COL1A1: variants seen among roughly 807,000 people sequenced by gnomAD.
COL1A1 encodes the protein collagen type I alpha 1 chain, also known as collagen alpha-1(I) chain.
Under a neutral mutation model 195.7 loss-of-function variants are expected in COL1A1, and 21 were observed. That is an observed-to-expected ratio of 0.11 (90% CI 0.08 to 0.15). COL1A1 has a LOEUF of 0.15. Among genes scored for constraint, COL1A1 ranks in the 10% least tolerant of loss-of-function variants. COL1A1 has a pLI of 1.00. For missense variants in COL1A1, 1,365 were observed against 2,051.0 expected (o/e 0.67, Z 6.46); for synonymous variants, 749 against 747.3 (o/e 1.00, Z -0.04).
intron 45 of COL1A1, 111 bp downstream of exon 45, chr17:50,187,765 C>A: frequency 8.9e-7 from 1 of 1,123,108 alleles, no homozygotes. Context: ...AGACCCCAGT[C>A]CCCACTAGGG....
In COL1A1 at chr17:50,194,492, G is replaced by A. The variant is rs992864344; in HGVS notation, c.1516-45C>T. 3.7e-6 allele frequency: 6 copies of A among 1,613,118 alleles called. No homozygotes were observed. The African/African-American group carries it at 8.0e-5, about 22-fold the overall frequency. On this transcript the variant is annotated intron_variant, in intron 22 of 50. Transcript: ENST00000225964. This position sits in a 1 kb window ranked among gnomAD's most constrained non-coding sequence, Gnocchi z 6.8. ...GGAACAGTTAGGGTCTCAAGTTTGT[G>A]GCTCTTTGCCACGGGCCAAAAGAGG...
chr17:50,194,378 G>T lies in COL1A1; in HGVS notation c.1585C>A (p.Pro529Thr). Residue 529 changes from proline to threonine, a missense_variant, in exon 23 of 51, where the codon CCC becomes ACC. This residue lies in a region of COL1A1 where 671 missense variants were observed against 1,099.9 expected (regional missense o/e 0.61). Coordinates refer to ENST00000225964, the MANE Select transcript of COL1A1 (RefSeq NM_000088.4). This position sits in a 1 kb window ranked among gnomAD's most constrained non-coding sequence, Gnocchi z 6.8. ...PKGSPGEAGR[P>T]GEAGLPGAKG... ...GCACCAGGCAGACCAGCTTCACCGG[G>T]ACGACCAGCTTCACCAGGAGATCCT... 6.2e-7 allele frequency: 1 copy of T among 1,614,152 alleles called. No individual in the cohort carries two copies. The highest frequency in any genetic ancestry group is 1.1e-5 in the South Asian group (1 of 91,086).
chr17:50,196,230 C>T, intron 14 of COL1A1, 31 bp from the exon 15 acceptor site: 1 of 1,613,800 alleles, frequency 6.2e-7, no homozygotes, highest in South Asian at 1.1e-5. Context: ...CCCGTTAAGT[C>T]CACTGAGCAC....
intron 31 of COL1A1, 65 bp from the exon 32 acceptor site, chr17:50,191,555 C>T (rs1489742664): frequency 2.1e-6 from 3 of 1,453,584 alleles, no homozygotes; most frequent in Non-Finnish European, 2.9e-6. Context: ...CAGCCCTAAG[C>T]CCCGCTTGGT....
intron 31 of COL1A1, 130 bp downstream of exon 31, chr17:50,191,658 C>T: frequency 1.7e-6 from 2 of 1,166,294 alleles, no homozygotes; most frequent in Non-Finnish European, 2.5e-6. Flanking sequence ...TGGGCCCCTG[C>T]CCTGGTCTTT....
In COL1A1 at chr17:50,193,000, G is replaced by A. The variant is rs370384784; in HGVS notation, c.1815C>T (p.Gly605=). 2.4e-5 allele frequency: 38 copies of A among 1,614,004 alleles called. No homozygotes were observed. Among genetic ancestry groups the A allele is most frequent in the African/African-American group, 1.3e-4 (10 of 74,926 alleles). ...AGERGVPGPP[G]AVGPAGKDGE... ...ATGGAAAGGAGATACTTACGACAGC[G>A]CCAGGGGGTCCGGGAACACCTCGCT... Residue 605 remains glycine (G), a synonymous_variant, in exon 26 of 51, where the codon GGC becomes GGT. Coordinates refer to ENST00000225964, the MANE Select transcript of COL1A1 (RefSeq NM_000088.4).
chr17:50,190,953 C>T lies in COL1A1; in HGVS notation c.2236-29G>A, dbSNP rs1454496640. The T allele has an allele frequency of 1.2e-6, 2 of 1,603,178 alleles. No individual in the cohort carries two copies. Among genetic ancestry groups the T allele is most frequent in the Non-Finnish European group, 1.7e-6 (2 of 1,170,466 alleles). On this transcript the variant is annotated intron_variant, in intron 32 of 50. Coordinates refer to ENST00000225964, the MANE Select transcript of COL1A1 (RefSeq NM_000088.4). The surrounding 1 kb of genome is among the most constrained non-coding windows in gnomAD (Gnocchi z 4.7). ...AAGACATGGATAAGCTTGAGATTTC[C>T]AGTGTGGGGCAAGGAGGTGACCTAT...
chr17:50,192,633 G>A lies in COL1A1; in HGVS notation c.1929+7C>T, dbSNP rs748740828. On this transcript the variant is annotated splice_region_variant and intron_variant, in intron 28 of 50. Coordinates refer to ENST00000225964, the MANE Select transcript of COL1A1 (RefSeq NM_000088.4). ...CTCCCAGCATCCTGACAGCCATGAG[G>A]CCTCACCTGGAATCCGGGGGAGCCA... The A allele has an allele frequency of 1.9e-6, 3 of 1,614,096 alleles. No homozygotes were observed. Among genetic ancestry groups the A allele is most frequent in the Non-Finnish European group, 2.5e-6 (3 of 1,180,044 alleles).
At position 50,194,859 on chromosome 17, in the gene COL1A1, G is replaced by A; in HGVS notation, c.1354-31C>T. On this transcript the variant is annotated intron_variant, in intron 20 of 50. Transcript: ENST00000225964. The surrounding 1 kb of genome is among the most constrained non-coding windows in gnomAD (Gnocchi z 6.8). ...GAGGGCCGAGAGGAGGAGGCGGCCT[G>A]TGGTGAGGGGCCATCCTGTGCCAGC... 6.4e-7 allele frequency: 1 copy of A among 1,565,892 alleles called. No homozygotes were observed. Among genetic ancestry groups the A allele is most frequent in the South Asian group, 1.1e-5 (1 of 87,962 alleles).
In COL1A1 at chr17:50,190,226, C is replaced by T; in HGVS notation, c.2451+101G>A. ...GGGTGGGAAACAATCCCGTCTCCAC[C>T]CTTCTCCCCTGAGGATGGCTGACGC... On this transcript the variant is annotated intron_variant, in intron 35 of 50. Coordinates refer to ENST00000225964, the MANE Select transcript of COL1A1 (RefSeq NM_000088.4). This position sits in a 1 kb window ranked among gnomAD's most constrained non-coding sequence, Gnocchi z 4.7. 1 of 1,244,866 alleles carries T rather than the reference C, an allele frequency of 8.0e-7. No individual in the cohort carries two copies. The highest frequency in any genetic ancestry group is 1.2e-6 in the Non-Finnish European group (1 of 844,156). The allele number at this position is 1,244,866 out of a possible 1,614,324, so 77.1% of individuals were successfully genotyped here.
chr17:50,197,024 T>A lies in COL1A1; in HGVS notation c.790A>T (p.Met264Leu), dbSNP rs374947065. 4.3e-6 allele frequency: 7 copies of A among 1,614,046 alleles called. No homozygotes were observed. The highest frequency in any genetic ancestry group is 4.2e-6 in the Non-Finnish European group (5 of 1,179,954). ...GLPGTAGLPG[M>L]KGHRGFSGLD... ...AGGTGACTCACTCTGTGTCCCTTCATTCCAGGGAGGCCAGCTGTTCCGGGC... is the reference window on the plus strand; with the variant it reads ...AGGTGACTCACTCTGTGTCCCTTCAATCCAGGGAGGCCAGCTGTTCCGGGC... Residue 264 changes from methionine to leucine, a missense_variant, in exon 11 of 51, where the codon ATG becomes TTG. Physicochemically the swap from Met to Leu is conservative, Grantham distance 15. This residue lies in a region of COL1A1 where 226 missense variants were observed against 372.9 expected (regional missense o/e 0.61). Transcript: ENST00000225964.
chr17:50,198,534 G>A (rs762019642), intron 5 of COL1A1, 30 bp from the exon 6 acceptor site: 5 of 1,583,224 alleles, frequency 3.2e-6, no homozygotes, highest in Non-Finnish European at 4.3e-6. Flanking sequence ...TCAGAGTGAG[G>A]ACAGTGAATT....
chr17:50,196,122 T>C (rs1469214080), intron 15 of COL1A1, 33 bp downstream of exon 15: 2 of 1,613,474 alleles, frequency 1.2e-6, no homozygotes, highest in Admixed American at 3.3e-5. Flanking sequence ...CCCTCCCCAC[T>C]CCCAGGCCCT....
Position 50,196,679 on chromosome 17 carries a change from G to T in COL1A1, c.805-9C>A. 1 of 1,614,180 alleles carries T rather than the reference G, an allele frequency of 6.2e-7. No homozygotes were observed. The highest frequency in any genetic ancestry group is 8.5e-7 in the Non-Finnish European group (1 of 1,180,018). On this transcript the variant is annotated splice_polypyrimidine_tract_variant and intron_variant, in intron 11 of 50. Coordinates refer to ENST00000225964, the MANE Select transcript of COL1A1 (RefSeq NM_000088.4). ...TCCAAACCACTGAAACCCTAAAGCA[G>T]GAAAGAGGTAGAAGGTAAGAACCTG...
chr17:50,187,746 C>T (rs1476707670), intron 45 of COL1A1, 130 bp downstream of exon 45: 5 of 1,024,208 alleles, frequency 4.9e-6, no homozygotes, highest in Non-Finnish European at 7.3e-6. Context: ...GACATGCCCA[C>T]AAATCTTCAG....
rs369226518 is a variant in COL1A1, at chr17:50,188,170, A to C, written c.3208-21T>G. ...GGACCCTGGGGAGAGCAAGGAAAGC[A>C]TGAGCTCTTGGCCAGGGAAGGCTGA... is the stretch of plus-strand genomic sequence containing the variant. On this transcript the variant is annotated intron_variant, in intron 43 of 50. Coordinates refer to ENST00000225964, the MANE Select transcript of COL1A1 (RefSeq NM_000088.4). The surrounding 1 kb of genome is among the most constrained non-coding windows in gnomAD (Gnocchi z 5.6). 854 of 1,543,030 alleles carry C rather than the reference A, an allele frequency of 5.5e-4. No individual in the cohort carries two copies. Among genetic ancestry groups the C allele is most frequent in the Non-Finnish European group, 6.9e-4 (788 of 1,141,430 alleles).
Position 50,192,511 on chromosome 17 carries a change from A to G in COL1A1, c.1947T>C (p.Ala649=). The G allele has an allele frequency of 6.2e-7, 1 of 1,614,056 alleles. No individual in the cohort carries two copies. Among genetic ancestry groups the G allele is most frequent in the Non-Finnish European group, 8.5e-7 (1 of 1,179,930 alleles). ...SPGFQGLPGP[A]GPPGEAGKPG... The stretch of plus-strand genomic sequence containing the variant: ...GTTTGCCTGCTTCACCTGGAGGACC[A>G]GCAGGACCAGGGAGACCCTGTAGGT... The change falls in exon 29 of 51, where the codon GCT becomes GCC. Residue 649 remains alanine, a synonymous_variant. Coordinates refer to ENST00000225964, the MANE Select transcript of COL1A1 (RefSeq NM_000088.4).
rs1368954082 is a variant in COL1A1 at position 50,194,967 on chromosome 17, C to T, written c.1353+80G>A. The stretch of plus-strand genomic sequence containing the variant: ...GACTCCCCCAGAAGACTAGGGGCTC[C>T]TCTTCCTTTCTGGATTTCCCTCAGG... On this transcript the variant is annotated intron_variant, in intron 20 of 50. Coordinates refer to ENST00000225964, the MANE Select transcript of COL1A1 (RefSeq NM_000088.4). The surrounding 1 kb of genome is among the most constrained non-coding windows in gnomAD (Gnocchi z 6.8). 2.0e-6 allele frequency: 3 copies of T among 1,516,858 alleles called. No homozygotes were observed. Among genetic ancestry groups the T allele is most frequent in the Non-Finnish European group, 2.7e-6 (3 of 1,095,448 alleles). 94.0% of individuals were successfully genotyped at this position (1,516,858 alleles called of 1,614,324 possible).
chr17:50,195,995 T>C lies in COL1A1; in HGVS notation c.1003-19A>G. ...TGGGACCCTGTGAATGAAATGGAGA[T>C]GTCAGCGAGAAGGAAGAGATGGCAG... On this transcript the variant is annotated intron_variant, in intron 15 of 50. Coordinates refer to ENST00000225964, the MANE Select transcript of COL1A1 (RefSeq NM_000088.4). The surrounding 1 kb of genome is among the most constrained non-coding windows in gnomAD (Gnocchi z 4.3). The C allele has an allele frequency of 6.3e-7, 1 of 1,597,018 alleles. No individual in the cohort carries two copies. The highest frequency in any genetic ancestry group is 8.5e-7 in the Non-Finnish European group (1 of 1,171,522).
Sources: allele counts gnomAD v4.1 joint callset, GRCh38; gene constraint gnomAD v4.1.1; regional missense constraint gnomAD v4.1.1; non-coding constraint Gnocchi (gnomAD v3.1); transcripts MANE v1.5; gene names NCBI Gene and HGNC (gene_info 2026-07-23, HGNC 2026-07-21).